The following NEGR1 variants were observed in gnomAD, a reference collection of about 807,000 sequenced individuals.
The protein encoded by NEGR1 is IgLON family member 4.
In NEGR1, 10 loss-of-function variants were observed where a neutral mutation model predicts 40.9. That is an observed-to-expected ratio of 0.24 (90% CI 0.15 to 0.42). The LOEUF (loss-of-function observed/expected upper bound fraction) is 0.42, where lower values mean the gene tolerates loss of function less well. Ranked by LOEUF, NEGR1 falls within the 10% of genes least tolerant of loss-of-function variation. The probability of loss-of-function intolerance (pLI) is 1.00; values close to 1 mark genes in which losing one functional copy is unlikely to be tolerated. For missense variants in NEGR1, 352 were observed against 438.9 expected, an observed-to-expected ratio of 0.80 and a Z score of 1.77; for synonymous variants, 185 against 166.8, an observed-to-expected ratio of 1.11 and a Z score of -0.84.
chr1:71,789,506 T>C (rs1557653072), intron 2 of NEGR1, among the ~76,000 whole-genome samples: 1 of 152,102 alleles, frequency 6.6e-6, no homozygotes, highest in Non-Finnish European at 1.5e-5. Flanking sequence ...CTTCTCCCTT[T>C]TGGCTTAAAA....
At chr1:71,629,189 G>A (rs1363802203) in intron 4 of NEGR1, among the ~76,000 whole-genome samples, 1 of 151,544 alleles carries the variant, frequency 6.6e-6, no homozygotes, top group South Asian at 2.1e-4. Context: ...TCATATGTTT[G>A]TTGGCCACGT....
intron 6 of NEGR1, among the ~76,000 whole-genome samples, chr1:71,589,420 T>C (rs503867): frequency 0.037 from 5,698 of 152,210 alleles, 360 homozygotes; most frequent in African/African-American, 0.13. Context: ...GCTGAAACTA[T>C]CACCTCCATT....
intron 1 of NEGR1, among the ~76,000 whole-genome samples, chr1:71,991,153 C>A (rs1245611484): frequency 6.6e-6 from 1 of 152,070 alleles, no homozygotes; most frequent in Non-Finnish European, 1.5e-5. Context: ...TAAATGCTTA[C>A]AAGGACTATT....
At chr1:72,092,099 C>T (rs1375479137) in intron 1 of NEGR1, among the ~76,000 whole-genome samples, 1 of 151,828 alleles carries the variant, frequency 6.6e-6, no homozygotes, top group African/African-American at 2.4e-5. Flanking sequence ...GACATTGAAT[C>T]AGTGTAAGTG....
intron 3 of NEGR1, among the ~76,000 whole-genome samples, chr1:71,735,896 T>A (rs1172271066): frequency 6.6e-6 from 1 of 152,076 alleles, no homozygotes; most frequent in African/African-American, 2.4e-5. Context: ...ATTAAAGGGT[T>A]AGGAAGTACT....
At position 71,426,896 on chromosome 1, in the gene NEGR1, C is replaced by T. The variant is rs1646432278; in HGVS notation, c.941-19326G>A. Among the ~76,000 whole-genome samples the T allele has an allele frequency of 1.3e-5, 2 of 152,122 alleles. 1 individual carries two copies. The highest frequency in any genetic ancestry group is 4.2e-4 in the South Asian group (2 of 4,810). On this transcript the variant is annotated intron_variant, in intron 6 of 6. Coordinates refer to ENST00000357731, the MANE Select transcript of NEGR1 (RefSeq NM_173808.3). Reference sequence around the variant, plus strand: ...ATAATGGAGTGTGACAATGTGATTGCAATAAGAACAGCACCTGCTTTGAAA... The same window carrying T: ...ATAATGGAGTGTGACAATGTGATTGTAATAAGAACAGCACCTGCTTTGAAA...
At chr1:71,548,901 C>A (rs1647986584) in intron 6 of NEGR1, among the ~76,000 whole-genome samples, 1 of 151,620 alleles carries the variant, frequency 6.6e-6, no homozygotes, top group Non-Finnish European at 1.5e-5. Flanking sequence ...TTTGGTACAG[C>A]AAATATTGTC....
At chr1:71,760,914 A>G (rs1655918821) in intron 3 of NEGR1, among the ~76,000 whole-genome samples, 2 of 152,192 alleles carry the variant, frequency 1.3e-5, no homozygotes, top group South Asian at 4.1e-4. Context: ...AATAAGAAAT[A>G]ACACTTTCTG....
intron 2 of NEGR1, among the ~76,000 whole-genome samples, chr1:71,859,659 C>T (rs913425122): frequency 2.6e-5 from 4 of 151,828 alleles, no homozygotes; most frequent in Non-Finnish European, 4.4e-5. Flanking sequence ...ATTGAATTTG[C>T]TGCCCCTAGA....
At chr1:72,035,612 T>C (rs1646895394) in intron 1 of NEGR1, among the ~76,000 whole-genome samples, 1 of 152,178 alleles carries the variant, frequency 6.6e-6, no homozygotes, top group African/African-American at 2.4e-5. Context: ...CATGGTTAAG[T>C]GGAGAGGCAG....
chr1:72,224,516 T>A (rs1325943687), intron 1 of NEGR1, among the ~76,000 whole-genome samples: 1 of 152,140 alleles, frequency 6.6e-6, no homozygotes, highest in Non-Finnish European at 1.5e-5. Context: ...ATATTTTATG[T>A]AATTCTCATA....
At chr1:71,557,471 G>C (rs1486833109) in intron 6 of NEGR1, among the ~76,000 whole-genome samples, 2 of 151,564 alleles carry the variant, frequency 1.3e-5, no homozygotes, top group Non-Finnish European at 3.0e-5. Context: ...AAATGTGAGG[G>C]AGAAAGCAAG....
At chr1:71,873,346 T>C (rs1660334630) in intron 2 of NEGR1, among the ~76,000 whole-genome samples, 1 of 151,952 alleles carries the variant, frequency 6.6e-6, no homozygotes, top group African/African-American at 2.4e-5. Context: ...GCTAAAATAT[T>C]GGTTAACAAA....
chr1:71,926,178 C>G (rs139049432), intron 2 of NEGR1, among the ~76,000 whole-genome samples: 2 of 152,182 alleles, frequency 1.3e-5, no homozygotes, highest in African/African-American at 4.8e-5. Context: ...GGGATAATTA[C>G]TTTAAATTAT....
chr1:71,967,804 T>G (rs1646222544), intron 1 of NEGR1, among the ~76,000 whole-genome samples: 1 of 152,186 alleles, frequency 6.6e-6, no homozygotes, highest in South Asian at 2.1e-4. Context: ...TGTCTGATGC[T>G]ACATTATATT....
At chr1:71,544,816 C>T (rs1354509699) in intron 6 of NEGR1, among the ~76,000 whole-genome samples, 1 of 151,578 alleles carries the variant, frequency 6.6e-6, no homozygotes, top group African/African-American at 2.4e-5. Context: ...AAGAACACAG[C>T]AGGTCCAGTG....
intron 2 of NEGR1, among the ~76,000 whole-genome samples, chr1:71,836,164 T>C (rs1335087523): frequency 6.6e-6 from 1 of 151,976 alleles, no homozygotes; most frequent in Admixed American, 6.6e-5. Context: ...GCATGTTAAA[T>C]CTACACTTTA....
intron 3 of NEGR1, among the ~76,000 whole-genome samples, chr1:71,737,886 G>A (rs1655089913): frequency 6.6e-6 from 1 of 152,080 alleles, no homozygotes; most frequent in South Asian, 2.1e-4. Flanking sequence ...TCTGGCTCAG[G>A]TTTTTAGTCC....
intron 1 of NEGR1, among the ~76,000 whole-genome samples, chr1:72,272,781 T>C (rs1441063195): frequency 1.3e-5 from 2 of 151,892 alleles, no homozygotes; most frequent in African/African-American, 2.4e-5. Context: ...TCCAAATGAC[T>C]TAGAAAAATT....
Sources: gnomAD v4.1 joint callset for allele counts (sites outside exome capture counted in the v4.1 genomes callset) on GRCh38, gnomAD v4.1.1 for gene constraint, MANE v1.5 for transcripts, NCBI Gene and HGNC (gene_info 2026-07-23, HGNC 2026-07-21) for gene names.